The following MAN1B1 variants were observed in gnomAD, a reference collection of about 807,000 sequenced individuals.
MAN1B1 encodes the protein endoplasmic reticulum mannosyl-oligosaccharide 1,2-alpha-mannosidase.
A neutral mutation model predicts 75.5 loss-of-function variants in MAN1B1; 66 were observed. The observed-to-expected ratio is 0.87, with a 90% CI of 0.72 to 1.07. MAN1B1 has a LOEUF of 1.07. Among genes scored for constraint, MAN1B1 ranks in the 50% least tolerant of loss-of-function variants. MAN1B1 has a pLI of 0.00. For synonymous variants in MAN1B1, 453 were observed against 382.8 expected (o/e 1.18, Z -2.14); for missense variants, 973 against 912.5 (o/e 1.07, Z -0.85).
intron 3 of MAN1B1, among the ~76,000 whole-genome samples, chr9:137,094,790 G>C (rs978121704): frequency 2.6e-5 from 4 of 152,080 alleles, no homozygotes; most frequent in African/African-American, 7.2e-5. Flanking sequence ...TGAGGCAGGA[G>C]AATCACTTGA....
chr9:137,091,244 G>A (rs1830504545), intron 3 of MAN1B1, among the ~76,000 whole-genome samples: 1 of 152,200 alleles, frequency 6.6e-6, no homozygotes, highest in South Asian at 2.1e-4. Context: ...GCAGACTGTG[G>A]TATTTTTTCC....
intron 6 of MAN1B1, among the ~76,000 whole-genome samples, 199 bp downstream of exon 6, chr9:137,100,080 G>A (rs1011265809): frequency 6.6e-6 from 1 of 152,230 alleles, no homozygotes; most frequent in Non-Finnish European, 1.5e-5. Context: ...ACACAGGGCC[G>A]CTGTCCCCAG....
At chr9:137,089,767 C>T (rs114789074) in intron 3 of MAN1B1, among the ~76,000 whole-genome samples, 303 of 152,168 alleles carry the variant, frequency 2.0e-3, no homozygotes, top group African/African-American at 6.9e-3. Flanking sequence ...AGGAGTGCTC[C>T]GCAGGAGTGG....
chr9:137,101,590 C>G lies in MAN1B1; in HGVS notation c.1172C>G (p.Ser391Cys). 6.2e-7 allele frequency: 1 copy of G among 1,613,888 alleles called. No individual in the cohort carries two copies. Among genetic ancestry groups the G allele is most frequent in the Non-Finnish European group, 8.5e-7 (1 of 1,180,040 alleles). Residue 391 changes from serine (S) to cysteine (C), a missense_variant, in exon 8 of 13, where the codon TCC becomes TGC. Ser to Cys is a moderately radical substitution (Grantham distance 112). Coordinates refer to ENST00000371589, the MANE Select transcript of MAN1B1 (RefSeq NM_016219.5). ...GTTGCCCACCCGCCACGGTGGACCT[C>G]CGACAGCACTGTGGCCGAGGTGACC... ...TGVAHPPRWT[S>C]DSTVAEVTSI...
chr9:137,094,432 C>A (rs972297710), intron 3 of MAN1B1: 1 of 493,340 alleles, frequency 2.0e-6, no homozygotes, highest in Admixed American at 2.0e-5. Context: ...ATTGCATGAC[C>A]TGGTGGAGAA....
chr9:137,092,590 A>G (rs1427757953), intron 3 of MAN1B1, among the ~76,000 whole-genome samples: 2 of 152,174 alleles, frequency 1.3e-5, no homozygotes, highest in Non-Finnish European at 2.9e-5. Flanking sequence ...TTCATTTGTA[A>G]ATGTCCCCAT....
chr9:137,100,915 C>T (rs1830790412), intron 6 of MAN1B1, 90 bp from the exon 7 acceptor site: 3 of 1,507,380 alleles, frequency 2.0e-6, no homozygotes, highest in East Asian at 2.3e-5. Flanking sequence ...CCACCACGCC[C>T]AGCCAAATGT....
chr9:137,089,350 G>A (rs1196466387), intron 3 of MAN1B1: 7 of 372,160 alleles, frequency 1.9e-5, no homozygotes, highest in African/African-American at 8.4e-5. Flanking sequence ...ATCCTATGTG[G>A]AAAAGAGCAG....
At position 137,106,757 on chromosome 9, in the gene MAN1B1, G is replaced by A; in HGVS notation, c.1514G>A (p.Ser505Asn). The change falls in exon 10 of 13, where the codon AGT becomes AAT. Residue 505 changes from serine to asparagine, a missense_variant. By Grantham distance (46) the Ser-to-Asn change is conservative. Transcript: ENST00000371589. Reference protein sequence around the residue: ...RTHLLRHSEPSKLTFVGELAH... With the variant: ...RTHLLRHSEPNKLTFVGELAH... ...CACCTGCTGCGGCACTCCGAGCCCA[G>A]TAAGCTCACCTTTGTGGGGGAGCTT... 4 of 1,613,502 alleles carry A rather than the reference G, an allele frequency of 2.5e-6. No individual in the cohort carries two copies. The highest frequency in any genetic ancestry group is 3.4e-6 in the Non-Finnish European group (4 of 1,179,992).
At chr9:137,087,317 C>G in intron 1 of MAN1B1, 99 bp downstream of exon 1, 4 of 1,323,286 alleles carry the variant, frequency 3.0e-6, no homozygotes, top group South Asian at 1.4e-5. Flanking sequence ...GGACTCGACT[C>G]CCCAGGCGCC....
At chr9:137,087,346 C>A in intron 1 of MAN1B1, 128 bp downstream of exon 1, 1 of 1,115,728 alleles carries the variant, frequency 9.0e-7, no homozygotes, top group African/African-American at 1.6e-5. Context: ...CACCCCTTCC[C>A]CGCAAAAAGG....
In MAN1B1 at chr9:137,091,521, A is replaced by ATTTTTTTTTTTTTTTT. The variant is rs964752016; in HGVS notation, c.465+2524_465+2539dup. Reference sequence around the variant, plus strand: ...TTGAGTTCAAATTTTTTTGTTTTATATTTTTTTTTTTTTTTTTTTTTTTGA... The same window carrying ATTTTTTTTTTTTTTTT: ...TTGAGTTCAAATTTTTTTGTTTTATATTTTTTTTTTTTTTTTTTTTTTTTTTTTTTTTTTTTTTTGA... On this transcript the variant is annotated intron_variant, in intron 3 of 12. Coordinates refer to ENST00000371589, the MANE Select transcript of MAN1B1 (RefSeq NM_016219.5). Among the ~76,000 whole-genome samples the ATTTTTTTTTTTTTTTT allele has an allele frequency of 6.6e-4, 59 of 89,848 alleles. 1 individual carries two copies. The highest frequency in any genetic ancestry group is 1.1e-3 in the Non-Finnish European group (48 of 43,878). The allele number at this position is 89,848 out of a possible 152,430, so 58.9% of individuals were successfully genotyped here.
chr9:137,104,122 C>A, intron 8 of MAN1B1: 1 of 453,914 alleles, frequency 2.2e-6, no homozygotes, highest in Non-Finnish European at 4.4e-6. Flanking sequence ...TCCCATCACA[C>A]AGTGACCCTT....
chr9:137,091,524 T>A lies in MAN1B1; in HGVS notation c.465+2519T>A, dbSNP rs1353719016. Among the ~76,000 whole-genome samples, 813 of 140,896 alleles carry A rather than the reference T, an allele frequency of 5.8e-3. 1 individual carries two copies. The highest frequency in any genetic ancestry group is 0.012 in the East Asian group (60 of 4,954). The allele number at this position is 140,896 out of a possible 152,430, so 92.4% of individuals were successfully genotyped here. On this transcript the variant is annotated intron_variant, in intron 3 of 12. Coordinates refer to ENST00000371589, the MANE Select transcript of MAN1B1 (RefSeq NM_016219.5). The stretch of plus-strand genomic sequence containing the variant: ...AGTTCAAATTTTTTTGTTTTATATT[T>A]TTTTTTTTTTTTTTTTTTTTGAGAC...
chr9:137,103,483 G>T (rs1041432369), intron 8 of MAN1B1: 15 of 438,830 alleles, frequency 3.4e-5, no homozygotes, highest in Non-Finnish European at 6.4e-5. Flanking sequence ...GTGCAGGTCA[G>T]TGGTACACAC....
intron 4 of MAN1B1, 146 bp downstream of exon 4, chr9:137,096,537 T>C: frequency 1.7e-6 from 2 of 1,190,006 alleles, no homozygotes; most frequent in South Asian, 2.6e-5. Context: ...TAACCTTAGA[T>C]TACAGAATCG....
Position 137,097,892 on chromosome 9 carries a change from C to G in MAN1B1, c.685C>G (p.Pro229Ala). Residue 229 changes from proline (P) to alanine (A), a missense_variant, in exon 5 of 13, where the codon CCC becomes GCC. Pro to Ala is a conservative substitution (Grantham distance 27, BLOSUM62 -1). Coordinates refer to ENST00000371589, the MANE Select transcript of MAN1B1 (RefSeq NM_016219.5). Reference protein sequence around the residue: ...TELPSRRAEVPTKPPLPPART... With the variant: ...TELPSRRAEVATKPPLPPART... Reference sequence around the variant, plus strand: ...GCTCCCTTCAAGAAGAGCAGAAGTGCCCACCAAGCCTCCCCTGCCACCGGC... The same window carrying G: ...GCTCCCTTCAAGAAGAGCAGAAGTGGCCACCAAGCCTCCCCTGCCACCGGC... 1 of 1,560,720 alleles carries G rather than the reference C, an allele frequency of 6.4e-7. No homozygotes were observed. The highest frequency in any genetic ancestry group is 8.7e-7 in the Non-Finnish European group (1 of 1,153,026).
At chr9:137,101,414 T>A (rs1830806201) in intron 7 of MAN1B1, 70 bp from the exon 8 acceptor site, 2 of 1,448,166 alleles carry the variant, frequency 1.4e-6, no homozygotes, top group South Asian at 2.3e-5. Context: ...TCCACTGAAC[T>A]GCATGAAAGG....
At chr9:137,096,003 T>TGGGA (rs1830641195) in intron 3 of MAN1B1, among the ~76,000 whole-genome samples, 1 of 152,156 alleles carries the variant, frequency 6.6e-6, no homozygotes, top group Non-Finnish European at 1.5e-5. Flanking sequence ...ATTCCCACCG[T>TGGGA]GGGAGGGGCT....
Sources: allele counts gnomAD v4.1 joint callset (sites outside exome capture counted in the v4.1 genomes callset), GRCh38; gene constraint gnomAD v4.1.1; transcripts MANE v1.5; gene names NCBI Gene and HGNC (gene_info 2026-07-23, HGNC 2026-07-21).